The following FBXO36 variants were observed in gnomAD, a reference collection of about 807,000 sequenced individuals.
FBXO36 encodes F-box protein 36.
Under a neutral mutation model 17.0 loss-of-function variants are expected in FBXO36, and 18 were observed. The observed-to-expected ratio is 1.06, with a 90% CI of 0.73 to 1.57. The LOEUF is 1.57. Ranked by LOEUF, FBXO36 falls within the 40% of genes most tolerant of loss-of-function variation. The probability of loss-of-function intolerance (pLI) is 0.00; values close to 1 mark genes in which losing one functional copy is unlikely to be tolerated. For synonymous variants in FBXO36, 83 were observed against 85.3 expected, an observed-to-expected ratio of 0.97 and a Z score of 0.15; for missense variants, 229 against 221.9, an observed-to-expected ratio of 1.03 and a Z score of -0.20.
At chr2:229,923,195 A>T (rs1164536844) in intron 1 of FBXO36, 2 of 152,318 alleles carry the variant, frequency 1.3e-5, no homozygotes, top group African/African-American at 4.8e-5. Context: ...GTGGTGGTAT[A>T]AAAATGTTTC....
intron 1 of FBXO36, among the ~76,000 whole-genome samples, chr2:229,928,594 A>T (rs932468333): frequency 2.6e-5 from 4 of 152,172 alleles, no homozygotes; most frequent in African/African-American, 7.2e-5. Flanking sequence ...CTCATTGAAT[A>T]TTGAGGCTGA....
intron 1 of FBXO36, among the ~76,000 whole-genome samples, chr2:229,943,819 A>C (rs1364585502): frequency 2.6e-5 from 4 of 152,056 alleles, no homozygotes; most frequent in African/African-American, 9.7e-5. Context: ...TCTTCCCCCA[A>C]ATATGGTTTG....
chr2:229,988,836 T>TG (rs1402216703), intron 2 of FBXO36, among the ~76,000 whole-genome samples: 6 of 149,366 alleles, frequency 4.0e-5, no homozygotes, highest in Non-Finnish European at 8.9e-5. Flanking sequence ...CTGTTTTTTT[T>TG]TTTTTTTGTT....
intron 1 of FBXO36, among the ~76,000 whole-genome samples, chr2:229,963,461 T>C (rs927942477): frequency 7.4e-5 from 11 of 148,422 alleles, no homozygotes; most frequent in African/African-American, 1.3e-4. Flanking sequence ...TTTTTTTTTT[T>C]CGAGGCGGAG....
rs574202659 is a variant in FBXO36, at chr2:229,996,821, C to A, written c.276C>A (p.Asp92Glu). 395 of 1,613,938 alleles carry A rather than the reference C, an allele frequency of 2.4e-4. 3 individuals are homozygous for A. In the South Asian group the frequency reaches 4.0e-3, roughly 16 times the overall value. Residue 92 changes from aspartate to glutamate, a missense_variant, in exon 3 of 4, where the codon GAC becomes GAA. Asp to Glu is a conservative substitution (Grantham distance 45). Coordinates refer to ENST00000283946, the MANE Select transcript of FBXO36 (RefSeq NM_174899.5). ...YVINLCKGKF[D>E]FLERLSDDLL... ...TCAATTTGTGCAAAGGTAAATTTGA[C>A]TTCCTTGAACGGCTCTCAGACGATT...
intron 1 of FBXO36, among the ~76,000 whole-genome samples, chr2:229,924,830 T>A (rs910020764): frequency 1.1e-4 from 17 of 151,950 alleles, no homozygotes; most frequent in African/African-American, 3.9e-4. Context: ...GTGCAGTGGC[T>A]CAATCTCAGC....
chr2:229,973,358 G>A, intron 1 of FBXO36: 1 of 152,078 alleles, frequency 6.6e-6, no homozygotes, highest in East Asian at 1.9e-4. Flanking sequence ...GAACTATACA[G>A]GGAAGATTAG....
At chr2:229,935,794 C>A (rs1241272337) in intron 1 of FBXO36, among the ~76,000 whole-genome samples, 1 of 152,150 alleles carries the variant, frequency 6.6e-6, no homozygotes, top group Non-Finnish European at 1.5e-5. Context: ...GTTCAAGTAT[C>A]TTCTGTGTAT....
chr2:229,953,603 C>T (rs1196749962), intron 1 of FBXO36, among the ~76,000 whole-genome samples: 1 of 151,398 alleles, frequency 6.6e-6, no homozygotes, highest in African/African-American at 2.4e-5. Flanking sequence ...ATCACTTGAG[C>T]CCTGGCTGCA....
intron 3 of FBXO36, among the ~76,000 whole-genome samples, chr2:229,998,243 G>A (rs1453573015): frequency 1.3e-5 from 2 of 152,156 alleles, no homozygotes; most frequent in Non-Finnish European, 2.9e-5. Context: ...AGGCTGAGGA[G>A]GGAGGATTGG....
chr2:229,965,187 G>A (rs1042516750), intron 1 of FBXO36, among the ~76,000 whole-genome samples: 3 of 86,446 alleles, frequency 3.5e-5, no homozygotes, highest in African/African-American at 9.1e-5. Context: ...GTCTTACTAT[G>A]TTGCCCAGGC....
chr2:229,954,260 T>TTTTTTTTTTTTTTTTTAAA, intron 1 of FBXO36, among the ~76,000 whole-genome samples: 1 of 124,926 alleles, frequency 8.0e-6, no homozygotes, highest in East Asian at 2.5e-4. Context: ...TTTTTTTTTT[T>TTTTTTTTTTTTTTTTTAAA]GAGACAGAGT....
intron 1 of FBXO36, among the ~76,000 whole-genome samples, chr2:229,973,769 G>A (rs917422517): frequency 4.0e-5 from 6 of 151,700 alleles, no homozygotes; most frequent in African/African-American, 1.5e-4. Flanking sequence ...CTATTCGGCT[G>A]GGCACAGTGG....
chr2:229,937,122 C>A (rs562283124), intron 1 of FBXO36, among the ~76,000 whole-genome samples: 1 of 152,066 alleles, frequency 6.6e-6, no homozygotes, highest in Non-Finnish European at 1.5e-5. Context: ...AATTAAACTT[C>A]GATTTCAGCG....
At chr2:229,969,788 C>G (rs2077172333) in intron 1 of FBXO36, among the ~76,000 whole-genome samples, 1 of 152,122 alleles carries the variant, frequency 6.6e-6, no homozygotes, top group Non-Finnish European at 1.5e-5. Flanking sequence ...AACAGAATAG[C>G]AGAAAATATT....
At chr2:229,964,869 G>A (rs113604116) in intron 1 of FBXO36, among the ~76,000 whole-genome samples, 4,112 of 152,212 alleles carry the variant, frequency 0.027, 199 homozygotes, top group African/African-American at 0.094. Flanking sequence ...TCATATGGAT[G>A]TACTTACCTG....
At chr2:229,922,656 C>G (rs751578903) in intron 1 of FBXO36, 47 bp downstream of exon 1, 2 of 1,595,306 alleles carry the variant, frequency 1.3e-6, no homozygotes, top group Non-Finnish European at 8.6e-7. Flanking sequence ...CCCTACCTGG[C>G]CCGGTTGGGG....
intron 2 of FBXO36, among the ~76,000 whole-genome samples, chr2:229,993,159 A>G (rs2077306451): frequency 6.6e-6 from 1 of 152,204 alleles, no homozygotes; most frequent in African/African-American, 2.4e-5. Context: ...TTGATTTGCC[A>G]TATTTTGAAA....
chr2:229,931,802 G>C (rs1443483928), intron 1 of FBXO36, among the ~76,000 whole-genome samples: 1 of 152,136 alleles, frequency 6.6e-6, no homozygotes, highest in Non-Finnish European at 1.5e-5. Context: ...TCGTGCCATT[G>C]CACTCTGGCC....
Sources: gnomAD v4.1 joint callset for allele counts (sites outside exome capture counted in the v4.1 genomes callset) on GRCh38, gnomAD v4.1.1 for gene constraint, MANE v1.5 for transcripts, NCBI Gene and HGNC (gene_info 2026-07-23, HGNC 2026-07-21) for gene names.